Variants in CADM1 observed in about 807,000 individuals in gnomAD.
The protein encoded by CADM1 is cell adhesion molecule 1.
A neutral mutation model predicts 53.1 loss-of-function variants in CADM1; 15 were observed. The ratio of observed to expected loss-of-function variants is 0.28; its 90% CI spans 0.19 to 0.44. CADM1 has a LOEUF of 0.44. Among genes scored for constraint, CADM1 ranks in the 20% least tolerant of loss-of-function variants. The pLI, the probability that CADM1 is intolerant of heterozygous loss-of-function variation, is 1.00. For missense variants in CADM1, 434 were observed against 611.3 expected (o/e 0.71, Z 3.06); for synonymous variants, 281 against 243.0 (o/e 1.16, Z -1.45).
At chr11:115,497,042 G>A (rs1341070299) in intron 1 of CADM1, among the ~76,000 whole-genome samples, 1 of 152,104 alleles carries the variant, frequency 6.6e-6, no homozygotes, top group Non-Finnish European at 1.5e-5. Flanking sequence ...CTCTAGGGAC[G>A]GCATAACTCA....
chr11:115,448,223 TTC>T (rs1410535758), intron 1 of CADM1, among the ~76,000 whole-genome samples: 2 of 152,212 alleles, frequency 1.3e-5, no homozygotes, highest in African/African-American at 4.8e-5. Flanking sequence ...CCCTTTCTCA[TTC>T]TGTTTTGATT....
chr11:115,296,770 G>C (rs140195545), intron 1 of CADM1, among the ~76,000 whole-genome samples: 1 of 152,054 alleles, frequency 6.6e-6, no homozygotes. Context: ...GTACCATGCC[G>C]CTTTTTGAGT....
Position 115,190,870 on chromosome 11 carries a change from C to A in CADM1, c.1165+18G>T. 6.3e-7 allele frequency: 1 copy of A among 1,590,662 alleles called. No individual in the cohort carries two copies. Among genetic ancestry groups the A allele is most frequent in the Non-Finnish European group, 8.5e-7 (1 of 1,175,784 alleles). ...CAGGTTGGACACTGCAGTGCCTTAC[C>A]TAATGACTAGCCCTTACCTGAGAGG... On this transcript the variant is annotated intron_variant, in intron 10 of 11. Transcript: ENST00000331581.
At chr11:115,305,340 G>A (rs550704266) in intron 1 of CADM1, among the ~76,000 whole-genome samples, 10 of 152,062 alleles carry the variant, frequency 6.6e-5, no homozygotes, top group South Asian at 2.1e-4. Context: ...AACCCAGTTC[G>A]CATTATCAGA....
chr11:115,500,926 T>G (rs1949713679), intron 1 of CADM1, among the ~76,000 whole-genome samples: 1 of 152,214 alleles, frequency 6.6e-6, no homozygotes, highest in Non-Finnish European at 1.5e-5. Flanking sequence ...GAAACGAAAG[T>G]GTCCTGCCTG....
intron 1 of CADM1, among the ~76,000 whole-genome samples, chr11:115,363,336 T>G (rs2135101050): frequency 6.6e-6 from 1 of 152,324 alleles, no homozygotes; most frequent in Admixed American, 6.5e-5. Flanking sequence ...CTCTAAATTC[T>G]ACTGCATCAT....
At chr11:115,362,065 G>C (rs1946043867) in intron 1 of CADM1, among the ~76,000 whole-genome samples, 1 of 152,016 alleles carries the variant, frequency 6.6e-6, no homozygotes, top group Non-Finnish European at 1.5e-5. Context: ...TCCATATTCT[G>C]AATAATCTTA....
intron 1 of CADM1, among the ~76,000 whole-genome samples, chr11:115,268,904 C>A (rs760640407): frequency 7.2e-5 from 11 of 151,992 alleles, no homozygotes; most frequent in Non-Finnish European, 1.2e-4. Context: ...GCAGAGCTGC[C>A]GTCTTTTCAG....
At chr11:115,401,539 C>T (rs1038010136) in intron 1 of CADM1, among the ~76,000 whole-genome samples, 6 of 152,060 alleles carry the variant, frequency 3.9e-5, no homozygotes, top group South Asian at 2.1e-4. Context: ...ACCCGGGAGG[C>T]GGAGGTTGCA....
intron 1 of CADM1, among the ~76,000 whole-genome samples, chr11:115,310,496 TGG>T (rs975859442): frequency 6.6e-6 from 1 of 151,998 alleles, no homozygotes; most frequent in Admixed American, 6.6e-5. Context: ...CATGTATGTA[TGG>T]GGGGGTGGAG....
chr11:115,342,749 A>T (rs1945481819), intron 1 of CADM1, among the ~76,000 whole-genome samples: 1 of 152,166 alleles, frequency 6.6e-6, no homozygotes, highest in Admixed American at 6.5e-5. Context: ...TGCATATTTT[A>T]CCACAGTTAG....
In CADM1 at chr11:115,178,678, G is replaced by C; in HGVS notation, c.1263C>G (p.Leu421=). The C allele has an allele frequency of 6.2e-7, 1 of 1,613,644 alleles. No homozygotes were observed. The highest frequency in any genetic ancestry group is 1.3e-5 in the African/African-American group (1 of 75,010). The change falls in exon 11 of 12, where the codon CTC becomes CTG. Residue 421 remains leucine, a synonymous_variant. Coordinates refer to ENST00000331581, the MANE Select transcript of CADM1 (RefSeq NM_001301043.2). ...AVVVFAMLCL[L]IILGRYFARH... ...TGGCAAAATAGCGCCCCAGAATGATGAGCAAGCACAGCATGGCGAACACCA... is the reference window on the plus strand; with the variant it reads ...TGGCAAAATAGCGCCCCAGAATGATCAGCAAGCACAGCATGGCGAACACCA...
chr11:115,394,083 G>A (rs1400294088), intron 1 of CADM1, among the ~76,000 whole-genome samples: 1 of 152,116 alleles, frequency 6.6e-6, no homozygotes, highest in East Asian at 1.9e-4. Context: ...TTAGAACAAA[G>A]ACAATGGTTG....
At chr11:115,344,966 C>T (rs1945539456) in intron 1 of CADM1, among the ~76,000 whole-genome samples, 1 of 152,158 alleles carries the variant, frequency 6.6e-6, no homozygotes, top group South Asian at 2.1e-4. Context: ...TCACAATTCT[C>T]CAGCATCCCA....
intron 1 of CADM1, among the ~76,000 whole-genome samples, chr11:115,285,163 G>A (rs573029517): frequency 1.3e-5 from 2 of 152,324 alleles, no homozygotes; most frequent in South Asian, 4.1e-4. Flanking sequence ...TTATACAGTC[G>A]AAGGACTCAG....
Position 115,238,723 on chromosome 11 carries a change from T to A in CADM1, c.272-71A>T. The A allele has an allele frequency of 2.0e-6, 3 of 1,490,878 alleles. No individual in the cohort carries two copies. In the South Asian group the frequency reaches 3.4e-5, roughly 17 times the overall value. The allele number at this position is 1,490,878 out of a possible 1,614,324, so 92.4% of individuals were successfully genotyped here. On this transcript the variant is annotated intron_variant, in intron 2 of 11. Coordinates refer to ENST00000331581, the MANE Select transcript of CADM1 (RefSeq NM_001301043.2). The stretch of plus-strand genomic sequence containing the variant: ...ACAGTCTATTTTCCTTAATTATTTA[T>A]TACATCTTGCTGTATCTGATACTTC...
intron 1 of CADM1, among the ~76,000 whole-genome samples, chr11:115,344,254 T>C (rs1945520591): frequency 1.0e-5 from 1 of 96,908 alleles, no homozygotes; most frequent in South Asian, 4.4e-4. Flanking sequence ...CACCTATCCA[T>C]TCTATACAAA....
At chr11:115,346,700 G>A (rs569591268) in intron 1 of CADM1, among the ~76,000 whole-genome samples, 2 of 152,204 alleles carry the variant, frequency 1.3e-5, no homozygotes, top group Admixed American at 6.5e-5. Context: ...AGAGAGGCCC[G>A]GATCAAGCCA....
chr11:115,193,853 C>A (rs2134656308), intron 9 of CADM1: 1 of 152,180 alleles, frequency 6.6e-6, no homozygotes, highest in East Asian at 1.9e-4. Context: ...CAGCATACAT[C>A]TGATCACTTG....
Sources: gnomAD v4.1 joint callset for allele counts (sites outside exome capture counted in the v4.1 genomes callset) on GRCh38, gnomAD v4.1.1 for gene constraint, MANE v1.5 for transcripts, NCBI Gene and HGNC (gene_info 2026-07-23, HGNC 2026-07-21) for gene names.